ITPA: variants seen among roughly 807,000 people sequenced by gnomAD.
ITPA encodes inosine triphosphatase.
A neutral mutation model predicts 29.6 loss-of-function variants in ITPA; 29 were observed. That is an observed-to-expected ratio of 0.98 (90% CI 0.73 to 1.34). The LOEUF (loss-of-function observed/expected upper bound fraction) is 1.34, where lower values mean the gene tolerates loss of function less well. ITPA is among the 40% of genes most tolerant of loss of function. ITPA has a pLI of 0.00. For missense variants in ITPA, 241 were observed against 251.5 expected (o/e 0.96, Z 0.28); for synonymous variants, 103 against 99.3 (o/e 1.04, Z -0.22).
chr20:3,220,139 C>T (rs1363065734), intron 6 of ITPA, among the ~76,000 whole-genome samples: 5 of 151,932 alleles, frequency 3.3e-5, no homozygotes, highest in South Asian at 2.1e-4. Context: ...TCACTGCTCA[C>T]GACAGCCTCC....
chr20:3,215,529 C>T (rs1347062520), intron 5 of ITPA, among the ~76,000 whole-genome samples: 3 of 152,158 alleles, frequency 2.0e-5, no homozygotes, highest in Admixed American at 2.0e-4. Flanking sequence ...GGTTGAGGAA[C>T]AAAGGGGCTG....
upstream of ITPA, among the ~76,000 whole-genome samples, chr20:3,206,557 G>C (rs769619275): frequency 6.6e-6 from 1 of 152,118 alleles, no homozygotes; most frequent in Non-Finnish European, 1.5e-5. Context: ...TTAGCCGGGT[G>C]TGGTGGCTCA....
chr20:3,223,292 A>T (rs746124861), intron 7 of ITPA, 74 bp from the exon 8 acceptor site: 1 of 1,086,860 alleles, frequency 9.2e-7, no homozygotes, highest in Non-Finnish European at 1.4e-6. Flanking sequence ...CAGGGATGAG[A>T]TGAGGTAGGG....
At chr20:3,210,818 A>G (rs2422860) in intron 1 of ITPA, among the ~76,000 whole-genome samples, 36,340 of 151,888 alleles carry the variant, frequency 0.24, 5,347 homozygotes, top group Admixed American at 0.39. Context: ...TGGGAGGCTG[A>G]GGTGGGCAGA....
chr20:3,221,553 A>G lies in ITPA; in HGVS notation c.412-288A>G, dbSNP rs552643123. ...AAAGTAGCCTCATTGTTCTTCAGTG[A>G]TGTCCCAATTTGTCCCGGGTGTGGC... On this transcript the variant is annotated intron_variant, in intron 6 of 7. Transcript: ENST00000380113. Among the ~76,000 whole-genome samples the G allele has an allele frequency of 9.7e-5, 14 of 144,700 alleles. No homozygotes were observed. In the South Asian group the frequency reaches 3.1e-3, roughly 32 times the overall value. 94.9% of individuals were successfully genotyped at this position (144,700 alleles called of 152,430 possible).
At chr20:3,220,980 C>T (rs772924796) in intron 6 of ITPA, among the ~76,000 whole-genome samples, 5 of 152,102 alleles carry the variant, frequency 3.3e-5, no homozygotes, top group East Asian at 1.9e-4. Flanking sequence ...ACTGCAGCCT[C>T]GACCTCTTGG....
At chr20:3,207,215 AAACAGCTGTGACT>A (rs2067077485), upstream of ITPA, among the ~76,000 whole-genome samples, 1 of 151,996 alleles carries the variant, frequency 6.6e-6, no homozygotes. Flanking sequence ...TCAGCCTCCT[AAACAGCTGTGACT>A]ACAGGTGTGT....
upstream of ITPA, chr20:3,209,471 A>C: frequency 7.5e-7 from 1 of 1,335,024 alleles, no homozygotes; most frequent in Non-Finnish European, 1.1e-6. This position sits in a 1 kb window ranked among gnomAD's most constrained non-coding sequence, Gnocchi z 4.6. Context: ...TGAGCCGTTC[A>C]CTTCCGCCAC....
chr20:3,207,717 C>CAACAACAACAAAAAA (rs987829431), upstream of ITPA, among the ~76,000 whole-genome samples: 1 of 151,500 alleles, frequency 6.6e-6, no homozygotes, highest in Non-Finnish European at 1.5e-5. Context: ...ACAACAACAA[C>CAACAACAACAAAAAA]AAAACACAGT....
At chr20:3,216,630 T>G (rs993917116) in intron 5 of ITPA, among the ~76,000 whole-genome samples, 4 of 151,712 alleles carry the variant, frequency 2.6e-5, no homozygotes, top group Non-Finnish European at 2.9e-5. Context: ...ATTTTTTGTA[T>G]TTTTTGTAGA....
At chr20:3,209,049 T>C (rs560259558), upstream of ITPA, 1 of 195,954 alleles carries the variant, frequency 5.1e-6, no homozygotes, top group East Asian at 1.5e-4. The surrounding 1 kb of genome is among the most constrained non-coding windows in gnomAD (Gnocchi z 4.6). Flanking sequence ...AAGTTTGGGC[T>C]TGTTTTAGGC....
chr20:3,213,792 A>G (rs991392906), intron 3 of ITPA, among the ~76,000 whole-genome samples, 193 bp from the exon 4 acceptor site: 1 of 152,206 alleles, frequency 6.6e-6, no homozygotes, highest in Non-Finnish European at 1.5e-5. Context: ...CAATCGGCCA[A>G]AGCTTGGTGT....
At chr20:3,218,883 A>G (rs528875566) in intron 6 of ITPA, 287 of 555,108 alleles carry the variant, frequency 5.2e-4, no homozygotes, top group Middle Eastern at 1.5e-3. Context: ...TGGGCAGGAC[A>G]ATGGAAGTGT....
upstream of ITPA, among the ~76,000 whole-genome samples, chr20:3,206,557 G>A (rs769619275): frequency 4.6e-5 from 7 of 152,118 alleles, no homozygotes; most frequent in Non-Finnish European, 1.0e-4. Flanking sequence ...TTAGCCGGGT[G>A]TGGTGGCTCA....
At chr20:3,227,032 C>T (rs1260573442), downstream of ITPA, among the ~76,000 whole-genome samples, 1 of 152,194 alleles carries the variant, frequency 6.6e-6, no homozygotes, top group South Asian at 2.1e-4. Context: ...TTCACAAGTG[C>T]TCCACACGAA....
At chr20:3,205,332 C>CT (rs771509131), upstream of ITPA, among the ~76,000 whole-genome samples, 10 of 143,622 alleles carry the variant, frequency 7.0e-5, no homozygotes, top group Non-Finnish European at 1.5e-4. Flanking sequence ...TTCTTTCTTT[C>CT]TTTCTTTTGA....
intron 6 of ITPA, chr20:3,221,628 C>T (rs2067465495): frequency 1.6e-6 from 1 of 644,536 alleles, no homozygotes; most frequent in Non-Finnish European, 2.8e-6. Context: ...TGGGTCCATG[C>T]CTCCTCCCTG....
intron 7 of ITPA, among the ~76,000 whole-genome samples, chr20:3,222,641 C>A (rs907213381): frequency 6.6e-6 from 1 of 152,202 alleles, no homozygotes; most frequent in Non-Finnish European, 1.5e-5. Flanking sequence ...TCGCACAAAT[C>A]GCCCCTTGTT....
At chr20:3,209,160 C>T, upstream of ITPA, 1 of 320,554 alleles carries the variant, frequency 3.1e-6, no homozygotes, top group Non-Finnish European at 6.0e-6. This position sits in a 1 kb window ranked among gnomAD's most constrained non-coding sequence, Gnocchi z 4.6. Context: ...TAGAAGGAGG[C>T]AGTTTTTTGA....
Sources: gnomAD v4.1 joint callset for allele counts (sites outside exome capture counted in the v4.1 genomes callset) on GRCh38, gnomAD v4.1.1 for gene constraint, Gnocchi (gnomAD v3.1) non-coding constraint, MANE v1.5 for transcripts, NCBI Gene and HGNC (gene_info 2026-07-23, HGNC 2026-07-21) for gene names.